The following TRERF1 variants were observed in gnomAD, a reference collection of about 807,000 sequenced individuals.
TRERF1 encodes transcriptional-regulating factor 1.
A neutral mutation model predicts 122.9 loss-of-function variants in TRERF1; 27 were observed. The observed-to-expected ratio is 0.22, with a 90% confidence interval of 0.16 to 0.30. The LOEUF (loss-of-function observed/expected upper bound fraction) is 0.30, where lower values mean the gene tolerates loss of function less well. Among genes scored for constraint, TRERF1 ranks in the 10% least tolerant of loss-of-function variants. The probability of loss-of-function intolerance (pLI) is 1.00; values close to 1 mark genes in which losing one functional copy is unlikely to be tolerated. For missense variants in TRERF1, 1,248 were observed against 1,560.3 expected (o/e 0.80, Z 3.37); for synonymous variants, 636 against 641.7 (o/e 0.99, Z 0.13).
At chr6:42,329,429 T>C (rs1266175115) in intron 3 of TRERF1, among the ~76,000 whole-genome samples, 3 of 152,006 alleles carry the variant, frequency 2.0e-5, no homozygotes, top group Non-Finnish European at 4.4e-5. Context: ...CCCAGGTCAA[T>C]AATGTGAAGG....
intron 15 of TRERF1, among the ~76,000 whole-genome samples, chr6:42,238,548 A>C (rs1305817702): frequency 6.6e-6 from 1 of 152,192 alleles, no homozygotes; most frequent in Non-Finnish European, 1.5e-5. Context: ...TGTGAAACAA[A>C]ACACTTACTA....
intron 3 of TRERF1, among the ~76,000 whole-genome samples, chr6:42,304,378 T>C (rs1384698663): frequency 6.6e-6 from 1 of 152,180 alleles, no homozygotes; most frequent in African/African-American, 2.4e-5. Context: ...AACAGGCAGA[T>C]CAGTGAGAGC....
At chr6:42,413,261 C>G (rs1027635708) in intron 2 of TRERF1, among the ~76,000 whole-genome samples, 1 of 152,124 alleles carries the variant, frequency 6.6e-6, no homozygotes, top group African/African-American at 2.4e-5. Flanking sequence ...ATACTGGATA[C>G]TTGGGTACTT....
intron 2 of TRERF1, among the ~76,000 whole-genome samples, chr6:42,443,343 TAG>T (rs2151794915): frequency 6.6e-6 from 1 of 152,348 alleles, no homozygotes; most frequent in African/African-American, 2.4e-5. Context: ...TTCACCTTCT[TAG>T]GCAGAGGCCA....
chr6:42,300,151 G>T (rs1227071400), intron 4 of TRERF1, among the ~76,000 whole-genome samples: 1 of 152,226 alleles, frequency 6.6e-6, no homozygotes, highest in African/African-American at 2.4e-5. Context: ...TGGCAGAGCA[G>T]AGACCAGCAG....
In TRERF1 at chr6:42,269,077, C is replaced by T. The variant is rs776430477; in HGVS notation, c.514G>A (p.Val172Met). ...GCACTGTCAGGGGCTCCATCCATCA[C>T]TGCTGACTGAGTGTGCAGCACCTGG... The change falls in exon 5 of 18, where the codon GTG (valine) becomes ATG (methionine). Residue 172 changes from valine (V) to methionine (M), a missense_variant. By Grantham distance (21) the Val-to-Met change is conservative. Around this residue, in one of 5 missense-constraint regions of TRERF1, gnomAD observed 946 missense variants for 1,073.0 expected, o/e 0.88. Coordinates refer to ENST00000372922, the Ensembl canonical transcript of TRERF1. This position sits in a 1 kb window ranked among gnomAD's most constrained non-coding sequence, Gnocchi z 4.9. The T allele has an allele frequency of 6.2e-7, 1 of 1,614,224 alleles. No homozygotes were observed. The highest frequency in any genetic ancestry group is 2.2e-5 in the East Asian group (1 of 44,892).
chr6:42,379,691 T>G (rs897963035), intron 2 of TRERF1, among the ~76,000 whole-genome samples: 18 of 151,992 alleles, frequency 1.2e-4, no homozygotes, highest in African/African-American at 4.4e-4. Flanking sequence ...CTACCACACT[T>G]GGATAATTTT....
At chr6:42,451,598 C>T (rs1270593409) in intron 1 of TRERF1, among the ~76,000 whole-genome samples, 76 bp downstream of exon 1, 31 of 144,728 alleles carry the variant, frequency 2.1e-4, no homozygotes, top group Admixed American at 1.7e-3. Flanking sequence ...GAAATCTGCT[C>T]CCCCCTCCCC....
intron 4 of TRERF1, among the ~76,000 whole-genome samples, chr6:42,288,883 T>C (rs150878246): frequency 9.0e-4 from 137 of 152,062 alleles, no homozygotes; most frequent in African/African-American, 3.1e-3. Context: ...TCCAAGCCTC[T>C]TGAGGCTAAG....
intron 2 of TRERF1, among the ~76,000 whole-genome samples, chr6:42,400,026 A>G (rs1047789390): frequency 3.3e-5 from 5 of 152,194 alleles, no homozygotes; most frequent in South Asian, 2.1e-4. Context: ...GAGACTGTGG[A>G]AAGAACATAC....
chr6:42,322,436 T>C, intron 3 of TRERF1, among the ~76,000 whole-genome samples: 1 of 152,214 alleles, frequency 6.6e-6, no homozygotes, highest in South Asian at 2.1e-4. Context: ...AGACTAATTT[T>C]TATTATAAAT....
intron 8 of TRERF1, among the ~76,000 whole-genome samples, chr6:42,261,690 A>G (rs1341856638): frequency 3.9e-5 from 6 of 151,992 alleles, no homozygotes; most frequent in African/African-American, 1.2e-4. Flanking sequence ...TGGATGTTTT[A>G]ATTTCTTTAC....
exon 16 of TRERF1, chr6:42,236,265 G>A: frequency 6.2e-7 from 1 of 1,613,036 alleles, no homozygotes; most frequent in Non-Finnish European, 8.5e-7. Context: ...GGGCCTGCAG[G>A]GGCGGCCCCT....
At chr6:42,450,419 G>A (rs1182899824) in intron 2 of TRERF1, among the ~76,000 whole-genome samples, 3 of 152,234 alleles carry the variant, frequency 2.0e-5, no homozygotes, top group African/African-American at 7.2e-5. Context: ...AGGCCATGCT[G>A]AATTGAAGCC....
chr6:42,450,356 C>T (rs112666054), intron 2 of TRERF1, among the ~76,000 whole-genome samples: 3,796 of 152,346 alleles, frequency 0.025, 163 homozygotes, highest in African/African-American at 0.087. Flanking sequence ...TCTTTAGCCA[C>T]TACAGGGGCG....
intron 2 of TRERF1, among the ~76,000 whole-genome samples, chr6:42,379,616 G>C (rs1469555018): frequency 6.6e-6 from 1 of 152,096 alleles, no homozygotes; most frequent in East Asian, 1.9e-4. Flanking sequence ...CTGCAGCCTT[G>C]ACTTTCCAGG....
chr6:42,310,265 C>T (rs1223675885), intron 3 of TRERF1, among the ~76,000 whole-genome samples: 2 of 152,052 alleles, frequency 1.3e-5, no homozygotes, highest in African/African-American at 4.8e-5. Context: ...CACCACGCCC[C>T]GGCCTACACA....
chr6:42,269,604 G>T lies in TRERF1; in HGVS notation c.-14C>A, dbSNP rs1779865137. ...CTGGTCACCCATGCTGTCTGCCTTGGTTGTGAACGTCCAGCCACAAAACCA... is the reference window on the plus strand; with the variant it reads ...CTGGTCACCCATGCTGTCTGCCTTGTTTGTGAACGTCCAGCCACAAAACCA... On this transcript the variant is annotated 5_prime_UTR_variant, in exon 5 of 18. Coordinates refer to ENST00000372922, the Ensembl canonical transcript of TRERF1. The surrounding 1 kb of genome is among the most constrained non-coding windows in gnomAD (Gnocchi z 4.9). The T allele has an allele frequency of 7.5e-6, 12 of 1,607,146 alleles. No homozygotes were observed. Among genetic ancestry groups the T allele is most frequent in the Non-Finnish European group, 9.4e-6 (11 of 1,175,164 alleles).
At chr6:42,445,357 C>CACAGACAG (rs76720213) in intron 2 of TRERF1, among the ~76,000 whole-genome samples, 1 of 139,656 alleles carries the variant, frequency 7.2e-6, no homozygotes, top group Non-Finnish European at 1.5e-5. Flanking sequence ...CACACAGACA[C>CACAGACAG]ACACACACAC....
Sources: allele counts gnomAD v4.1 joint callset (sites outside exome capture counted in the v4.1 genomes callset), GRCh38; gene constraint gnomAD v4.1.1; regional missense constraint gnomAD v4.1.1; non-coding constraint Gnocchi (gnomAD v3.1); transcripts MANE v1.5; gene names NCBI Gene and HGNC (gene_info 2026-07-23, HGNC 2026-07-21).